USP3: variants seen among roughly 807,000 people sequenced by gnomAD.
USP3 encodes the protein ubiquitin specific peptidase 3.
USP3 carries 20 observed loss-of-function variants against 72.3 expected under a neutral mutation model. The ratio of observed to expected loss-of-function variants is 0.28; its 90% CI spans 0.19 to 0.40. USP3 has a LOEUF of 0.40. Among genes scored for constraint, USP3 ranks in the 10% least tolerant of loss-of-function variants. The pLI is 1.00. For missense variants in USP3, 479 were observed against 633.9 expected (o/e 0.76, Z 2.62); for synonymous variants, 222 against 225.3 (o/e 0.99, Z 0.13).
chr15:63,512,869 T>C (rs776922044), intron 1 of USP3, among the ~76,000 whole-genome samples: 2 of 152,234 alleles, frequency 1.3e-5, no homozygotes, highest in Non-Finnish European at 1.5e-5. Flanking sequence ...AACTTGAACA[T>C]TGAAAAATCA....
intron 1 of USP3, among the ~76,000 whole-genome samples, chr15:63,526,254 C>G (rs2065980255): frequency 6.6e-6 from 1 of 152,002 alleles, no homozygotes; most frequent in African/African-American, 2.4e-5. Context: ...CTTTTTAAAA[C>G]AAAAGTTTTA....
chr15:63,511,958 T>TTC (rs1488832925), intron 1 of USP3, among the ~76,000 whole-genome samples: 1 of 148,636 alleles, frequency 6.7e-6, no homozygotes, highest in East Asian at 1.9e-4. Flanking sequence ...CAGATCTTTT[T>TTC]TTTTTTTTTT....
rs1187579564 is a variant in USP3 at position 63,592,176 on chromosome 15, C to T, written c.*1350C>T. 1 of 152,120 alleles carries T rather than the reference C, an allele frequency of 6.6e-6. No individual in the cohort carries two copies. Among genetic ancestry groups the T allele is most frequent in the Non-Finnish European group, 1.5e-5 (1 of 68,022 alleles). 9.4% of individuals were successfully genotyped at this position (152,120 alleles called of 1,614,324 possible). On this transcript the variant is annotated 3_prime_UTR_variant, in exon 15 of 15. Transcript: ENST00000380324. ...CCTCAGGTGATCCGCCTGCCTCAGCCTCCCAAAGTGCTGAGATTACAGGCG... is the reference window on the plus strand; with the variant it reads ...CCTCAGGTGATCCGCCTGCCTCAGCTTCCCAAAGTGCTGAGATTACAGGCG...
At chr15:63,548,997 A>G (rs1349954264) in intron 3 of USP3, among the ~76,000 whole-genome samples, 1 of 152,240 alleles carries the variant, frequency 6.6e-6, no homozygotes, top group Non-Finnish European at 1.5e-5. Flanking sequence ...CAAGTCACAT[A>G]TGTAATTTAA....
intron 1 of USP3, among the ~76,000 whole-genome samples, chr15:63,524,158 GA>G (rs1204897793): frequency 6.6e-6 from 1 of 152,212 alleles, no homozygotes; most frequent in Non-Finnish European, 1.5e-5. Flanking sequence ...TTAAAATATT[GA>G]TGTGATACAC....
chr15:63,533,856 G>A (rs2152659701), intron 2 of USP3: 1 of 1,231,028 alleles, frequency 8.1e-7, no homozygotes, highest in African/African-American at 1.6e-5. Flanking sequence ...TAAAAAAGAA[G>A]AAAAGTAGAA....
At chr15:63,537,346 C>A (rs982675399) in intron 3 of USP3, among the ~76,000 whole-genome samples, 190 bp downstream of exon 3, 1 of 152,142 alleles carries the variant, frequency 6.6e-6, no homozygotes, top group Admixed American at 6.5e-5. Flanking sequence ...TGCATTGTTC[C>A]TTTCAACTTC....
At chr15:63,524,455 C>A (rs1567094451) in intron 1 of USP3, among the ~76,000 whole-genome samples, 1 of 152,174 alleles carries the variant, frequency 6.6e-6, no homozygotes, top group Non-Finnish European at 1.5e-5. Context: ...AGCCATACAT[C>A]CTAGAAGCCT....
Position 63,574,272 on chromosome 15 carries a change from T to A in USP3, c.1016-51T>A. The stretch of plus-strand genomic sequence containing the variant: ...CATCAGTTTGTGAAATTATTTTGAA[T>A]GGACATATATGCCTTTAACAGCTCT... On this transcript the variant is annotated intron_variant, in intron 10 of 14. Transcript: ENST00000380324. The surrounding 1 kb of genome is among the most constrained non-coding windows in gnomAD (Gnocchi z 4.6). 1 of 1,479,112 alleles carries A rather than the reference T, an allele frequency of 6.8e-7. No homozygotes were observed. Among genetic ancestry groups the A allele is most frequent in the Non-Finnish European group, 9.1e-7 (1 of 1,104,424 alleles). 91.6% of individuals were successfully genotyped at this position (1,479,112 alleles called of 1,614,324 possible).
intron 3 of USP3, among the ~76,000 whole-genome samples, chr15:63,548,493 T>C (rs2066387897): frequency 6.6e-6 from 1 of 151,608 alleles, no homozygotes; most frequent in Non-Finnish European, 1.5e-5. Flanking sequence ...TCCTGGCTAA[T>C]TTTTGTATTT....
chr15:63,569,212 A>C (rs539322791), intron 8 of USP3, among the ~76,000 whole-genome samples: 5 of 152,278 alleles, frequency 3.3e-5, no homozygotes, highest in South Asian at 4.1e-4. Flanking sequence ...AGTTTAAGGT[A>C]CCTCCTTAGA....
chr15:63,535,655 T>A (rs1006118008), intron 2 of USP3, among the ~76,000 whole-genome samples: 5 of 152,192 alleles, frequency 3.3e-5, no homozygotes, highest in African/African-American at 9.7e-5. Context: ...AAGTGTAAAG[T>A]ACAGGGAAAA....
At position 63,528,973 on chromosome 15, in the gene USP3, T is replaced by G; in HGVS notation, c.92-3674T>G. 1 of 1,280,854 alleles carries G rather than the reference T, an allele frequency of 7.8e-7. No individual in the cohort carries two copies. The highest frequency in any genetic ancestry group is 1.2e-5 in the South Asian group (1 of 80,116). 79.3% of individuals were successfully genotyped at this position (1,280,854 alleles called of 1,614,324 possible). ...CCCAAAGCAATGCCATTTATTGGCT[T>G]CAGAATCCCTCATAATACCCTATCC... On this transcript the variant is annotated intron_variant, in intron 1 of 14. Coordinates refer to ENST00000380324, the MANE Select transcript of USP3 (RefSeq NM_006537.4). The surrounding 1 kb of genome is among the most constrained non-coding windows in gnomAD (Gnocchi z 4.3).
intron 8 of USP3, among the ~76,000 whole-genome samples, chr15:63,567,593 G>C (rs1159957096): frequency 1.3e-5 from 2 of 152,082 alleles, no homozygotes; most frequent in East Asian, 1.9e-4. Flanking sequence ...TGATCTGCCT[G>C]CCTCAGCCTC....
Position 63,577,928 on chromosome 15 carries a change from C to CA in USP3, c.1096+3543dup, listed in dbSNP as rs60885501. On this transcript the variant is annotated intron_variant, in intron 11 of 14. Coordinates refer to ENST00000380324, the MANE Select transcript of USP3 (RefSeq NM_006537.4). Reference sequence around the variant, plus strand: ...TGGGTGAGAGAGTGAGACCCTGCCTCAAAAAAAAAAAAAAAAAAGTCCAAA... The same window carrying CA: ...TGGGTGAGAGAGTGAGACCCTGCCTCAAAAAAAAAAAAAAAAAAAGTCCAAA... Among the ~76,000 whole-genome samples, 184 of 122,662 alleles carry CA rather than the reference C, an allele frequency of 1.5e-3. No homozygotes were observed. The East Asian group carries it at 0.03, about 20-fold the overall frequency. 80.5% of individuals were successfully genotyped at this position (122,662 alleles called of 152,430 possible). A position where few individuals can be genotyped will look rare whatever the true frequency, so the allele number is the denominator to read the frequency against.
intron 3 of USP3, among the ~76,000 whole-genome samples, chr15:63,548,548 G>A (rs1208251700): frequency 1.1e-4 from 17 of 151,994 alleles, no homozygotes; most frequent in African/African-American, 4.1e-4. Context: ...GGCTGATCGC[G>A]AACTCCTGAC....
chr15:63,548,379 G>C (rs184163756), intron 3 of USP3, among the ~76,000 whole-genome samples: 1 of 151,490 alleles, frequency 6.6e-6, no homozygotes, highest in African/African-American at 2.4e-5. Flanking sequence ...AGGCTGGAGT[G>C]CAGTAGCACG....
chr15:63,523,196 G>A (rs535729425), intron 1 of USP3, among the ~76,000 whole-genome samples: 9 of 152,198 alleles, frequency 5.9e-5, no homozygotes, highest in African/African-American at 1.7e-4. Flanking sequence ...GGATTTTGAG[G>A]GAATGGAACT....
At chr15:63,575,507 A>G (rs571206869) in intron 11 of USP3, among the ~76,000 whole-genome samples, 129 of 152,312 alleles carry the variant, frequency 8.5e-4, no homozygotes, top group Non-Finnish European at 1.4e-3. Flanking sequence ...GAAATCTGTC[A>G]GATGATATGT....
Sources: gnomAD v4.1 joint callset for allele counts (sites outside exome capture counted in the v4.1 genomes callset) on GRCh38, gnomAD v4.1.1 for gene constraint, Gnocchi (gnomAD v3.1) non-coding constraint, MANE v1.5 for transcripts, NCBI Gene and HGNC (gene_info 2026-07-23, HGNC 2026-07-21) for gene names.